Variants in SWT1 observed in about 807,000 individuals in gnomAD.
The protein encoded by SWT1 is SWT1 RNA endoribonuclease homolog.
SWT1 carries 33 observed loss-of-function variants against 107.3 expected under a neutral mutation model. The observed-to-expected ratio is 0.31, with a 90% CI of 0.23 to 0.41. The LOEUF is 0.41. SWT1 is among the 10% of genes least tolerant of loss of function. The pLI is 1.00. For missense variants in SWT1, 898 were observed against 1,028.9 expected (o/e 0.87, Z 1.74); for synonymous variants, 345 against 348.3 (o/e 0.99, Z 0.11).
chr1:185,198,009 A>G (rs2102434328), intron 10 of SWT1, among the ~76,000 whole-genome samples: 1 of 152,078 alleles, frequency 6.6e-6, no homozygotes, highest in African/African-American at 2.4e-5. Context: ...TTGTTTCTCT[A>G]CGTCTTTTAA....
At chr1:185,175,162 A>T in intron 5 of SWT1, 49 bp downstream of exon 5, 6 of 1,308,842 alleles carry the variant, frequency 4.6e-6, no homozygotes, top group Non-Finnish European at 6.0e-6. Flanking sequence ...AGAGTTTATT[A>T]ATATAGTTAA....
intron 9 of SWT1, among the ~76,000 whole-genome samples, chr1:185,188,018 A>G (rs1238538157): frequency 2.0e-5 from 3 of 152,166 alleles, no homozygotes; most frequent in South Asian, 2.1e-4. Flanking sequence ...TAATAAATAC[A>G]TGGTACTTTT....
chr1:185,272,512 C>T (rs2102737706), intron 17 of SWT1, among the ~76,000 whole-genome samples: 1 of 152,246 alleles, frequency 6.6e-6, no homozygotes, highest in African/African-American at 2.4e-5. Flanking sequence ...CCACATCTTC[C>T]ATTAAGAACC....
chr1:185,279,831 C>T (rs1664503531), intron 18 of SWT1, among the ~76,000 whole-genome samples: 1 of 151,620 alleles, frequency 6.6e-6, no homozygotes. Context: ...ATATAGATGA[C>T]TCCCTTTGGG....
At chr1:185,254,944 G>C (rs1284144313) in intron 16 of SWT1, among the ~76,000 whole-genome samples, 1 of 152,046 alleles carries the variant, frequency 6.6e-6, no homozygotes, top group African/African-American at 2.4e-5. Context: ...TCTACACACT[G>C]CGTTGAATGC....
chr1:185,186,901 T>G (rs1468559199), intron 9 of SWT1, among the ~76,000 whole-genome samples: 1 of 151,208 alleles, frequency 6.6e-6, no homozygotes, highest in Non-Finnish European at 1.5e-5. Flanking sequence ...ATTACAGGTG[T>G]GCCCCACCAT....
intron 16 of SWT1, among the ~76,000 whole-genome samples, chr1:185,235,384 C>A (rs1169102447): frequency 1.3e-5 from 2 of 152,120 alleles, no homozygotes; most frequent in African/African-American, 2.4e-5. Flanking sequence ...CAGCTTCATC[C>A]CTGAGATGCA....
chr1:185,171,642 G>C, intron 4 of SWT1: 1 of 528,698 alleles, frequency 1.9e-6, no homozygotes. Flanking sequence ...GTGCAATCAA[G>C]AGTGAACTTC....
intron 16 of SWT1, among the ~76,000 whole-genome samples, chr1:185,258,642 T>C (rs954237557): frequency 9.2e-5 from 14 of 152,156 alleles, no homozygotes; most frequent in African/African-American, 3.4e-4. Flanking sequence ...ATAATTTTAT[T>C]ATCTTCTGTC....
chr1:185,229,302 C>T (rs562145918), intron 15 of SWT1, among the ~76,000 whole-genome samples: 68 of 151,978 alleles, frequency 4.5e-4, no homozygotes, highest in Non-Finnish European at 6.8e-4. Context: ...CAAGATTTGC[C>T]GATACAGCTC....
chr1:185,189,077 C>T (rs974757144), intron 9 of SWT1, among the ~76,000 whole-genome samples: 2 of 152,150 alleles, frequency 1.3e-5, no homozygotes, highest in African/African-American at 2.4e-5. Context: ...CTCCTGAGCT[C>T]AAGTGGTCCT....
At chr1:185,191,302 A>G (rs886304106) in intron 10 of SWT1, among the ~76,000 whole-genome samples, 6 of 152,114 alleles carry the variant, frequency 3.9e-5, no homozygotes, top group Non-Finnish European at 5.9e-5. Flanking sequence ...TCAAAGATAA[A>G]ACTAAGATAA....
At chr1:185,164,180 T>A (rs1654388176) in intron 2 of SWT1, among the ~76,000 whole-genome samples, 1 of 152,168 alleles carries the variant, frequency 6.6e-6, no homozygotes, top group South Asian at 2.1e-4. Context: ...AATCTTTTTT[T>A]TTTTTTTCTG....
chr1:185,250,748 C>T (rs1421638213), intron 16 of SWT1, among the ~76,000 whole-genome samples: 2 of 152,070 alleles, frequency 1.3e-5, no homozygotes, highest in East Asian at 1.9e-4. Flanking sequence ...CTGCAACCTC[C>T]ACCTCCCGGG....
Position 185,184,309 on chromosome 1 carries a change from A to T in SWT1, c.1205A>T (p.Lys402Ile). ...IDTNILMNHL[K>I]FVRILKTTEV... ...ACAAATATTCTGATGAATCATCTCAAATTTGTTAGAATTTTGAAGACAACA... is the reference window on the plus strand; with the variant it reads ...ACAAATATTCTGATGAATCATCTCATATTTGTTAGAATTTTGAAGACAACA... The change falls in exon 8 of 19, where the codon AAA becomes ATA. Residue 402 changes from lysine to isoleucine, a missense_variant. Lys to Ile is a moderately radical substitution (Grantham distance 102). Transcript: ENST00000367500. 6.4e-7 allele frequency: 1 copy of T among 1,568,700 alleles called. No homozygotes were observed. The highest frequency in any genetic ancestry group is 8.7e-7 in the Non-Finnish European group (1 of 1,148,768).
intron 16 of SWT1, among the ~76,000 whole-genome samples, chr1:185,267,613 A>T (rs1261295962): frequency 1.3e-5 from 2 of 152,328 alleles, no homozygotes; most frequent in African/African-American, 2.4e-5. Context: ...TTATTTTTTT[A>T]AATATTTCAT....
chr1:185,284,438 T>C (rs1664829272), intron 18 of SWT1, among the ~76,000 whole-genome samples: 1 of 152,194 alleles, frequency 6.6e-6, no homozygotes, highest in Non-Finnish European at 1.5e-5. Flanking sequence ...GCTTTCCCCA[T>C]ACCTAAGGAA....
At chr1:185,161,616 A>T (rs1654155161) in intron 2 of SWT1, among the ~76,000 whole-genome samples, 1 of 152,066 alleles carries the variant, frequency 6.6e-6, no homozygotes, top group East Asian at 1.9e-4. Flanking sequence ...GAGGAGAATC[A>T]CTTGAGCCAC....
At chr1:185,280,940 A>C (rs1227421685) in intron 18 of SWT1, 1 of 485,272 alleles carries the variant, frequency 2.1e-6, no homozygotes, top group African/African-American at 2.0e-5. Context: ...TGGAAACCAG[A>C]AGCATGTTGG....
Sources: allele counts gnomAD v4.1 joint callset (sites outside exome capture counted in the v4.1 genomes callset), GRCh38; gene constraint gnomAD v4.1.1; transcripts MANE v1.5; gene names NCBI Gene and HGNC (gene_info 2026-07-23, HGNC 2026-07-21).